Variants in BAHCC1 observed in about 807,000 individuals in gnomAD.
BAHCC1 encodes the protein BAH domain and coiled-coil containing 1.
In BAHCC1, 43 loss-of-function variants were observed where a neutral mutation model predicts 88.2. The observed-to-expected ratio is 0.49, with a 90% CI of 0.38 to 0.63. The LOEUF is 0.63. Ranked by LOEUF, BAHCC1 falls within the 20% of genes least tolerant of loss-of-function variation. The pLI, the probability that BAHCC1 is intolerant of heterozygous loss-of-function variation, is 0.00. For missense variants in BAHCC1, 3,023 were observed against 1,654.8 expected (o/e 1.83, Z -14.34); for synonymous variants, 1,510 against 745.5 (o/e 2.03, Z -16.71).
At chr17:81,400,215 G>C (rs1430121801) in intron 2 of BAHCC1, among the ~76,000 whole-genome samples, 1 of 152,182 alleles carries the variant, frequency 6.6e-6, no homozygotes, top group Non-Finnish European at 1.5e-5. Context: ...CCCTCCTGCA[G>C]ATCTAAATTC....
Position 81,445,474 on chromosome 17 carries a change from G to T in BAHCC1, c.2956G>T (p.Gly986Cys). The T allele has an allele frequency of 1.3e-6, 1 of 754,292 alleles. No homozygotes were observed. Among genetic ancestry groups the T allele is most frequent in the Admixed American group, 1.8e-5 (1 of 56,044 alleles). 46.7% of individuals were successfully genotyped at this position (754,292 alleles called of 1,614,324 possible). The change falls in exon 10 of 28, where the codon GGC (glycine) becomes TGC (cysteine). Residue 986 changes from glycine to cysteine, a missense_variant. By Grantham distance (159) the Gly-to-Cys change is radical. Transcript: ENST00000675386. ...CCCGGGCGCCCCCTCACCCGCTGCA[G>T]GCCCCACCAAGCTGCCACCTTGCTG... The part of the protein sequence containing the change: ...TAPGAPSPAA[G>C]PTKLPPCCHP...
rs1555652845 is a variant in BAHCC1 at position 81,442,483 on chromosome 17, G to A, written c.1134G>A (p.Pro378=). The change falls in exon 5 of 28, where the codon CCG becomes CCA. Residue 378 remains proline (P), a synonymous_variant. Coordinates refer to ENST00000675386, the MANE Select transcript of BAHCC1 (RefSeq NM_001377448.1). The stretch of plus-strand genomic sequence containing the variant: ...ACGGGGGCCCTGACGGGCTCTGCCC[G>A]CTGCAGGACAAAGCCCCCCGGGACC... The part of the protein sequence containing the change: ...QLHGGPDGLC[P]LQDKAPRDLK... 1.5e-5 allele frequency: 11 copies of A among 720,696 alleles called. No homozygotes were observed. The highest frequency in any genetic ancestry group is 2.6e-5 in the Non-Finnish European group (10 of 389,146). 44.6% of individuals were successfully genotyped at this position (720,696 alleles called of 1,614,324 possible). A position where few individuals can be genotyped will look rare whatever the true frequency, so the allele number is the denominator to read the frequency against.
In BAHCC1 at chr17:81,443,803, G is replaced by C. The variant is rs531257544; in HGVS notation, c.2216-6G>C. ...CTCTCCCGTCTGCTGTCTCGACCCT[G>C]TGCAGGTGGCGGTGGGCCCCGTTCC... is the stretch of plus-strand genomic sequence containing the variant. On this transcript the variant is annotated splice_polypyrimidine_tract_variant and splice_region_variant and intron_variant, in intron 5 of 27. Coordinates refer to ENST00000675386, the MANE Select transcript of BAHCC1 (RefSeq NM_001377448.1). The C allele has an allele frequency of 4.2e-6, 3 of 710,058 alleles. No individual in the cohort carries two copies. The East Asian group carries it at 8.0e-5, about 19-fold the overall frequency. 44.0% of individuals were successfully genotyped at this position (710,058 alleles called of 1,614,324 possible). A position where few individuals can be genotyped will look rare whatever the true frequency, so the allele number is the denominator to read the frequency against.
chr17:81,456,438 C>G lies in BAHCC1; in HGVS notation c.4711C>G (p.Pro1571Ala), dbSNP rs1555657298. ...LSSFQQKEAT[P>A]GGRIREKLSR... Reference sequence around the variant, plus strand: ...CTCTTTCCAGCAGAAGGAGGCTACCCCCGGGGGGCGCATCCGGGAGAAGCT... The same window carrying G: ...CTCTTTCCAGCAGAAGGAGGCTACCGCCGGGGGGCGCATCCGGGAGAAGCT... The change falls in exon 16 of 28, where the codon CCC becomes GCC. Residue 1571 changes from proline (P) to alanine (A), a missense_variant. By Grantham distance (27) the Pro-to-Ala change is conservative. Transcript: ENST00000675386. 1 of 722,676 alleles carries G rather than the reference C, an allele frequency of 1.4e-6. No individual in the cohort carries two copies. The allele number at this position is 722,676 out of a possible 1,614,324, so 44.8% of individuals were successfully genotyped here. A position where few individuals can be genotyped will look rare whatever the true frequency, so the allele number is the denominator to read the frequency against.
chr17:81,427,425 G>T (rs2143416618), intron 3 of BAHCC1, among the ~76,000 whole-genome samples: 1 of 152,290 alleles, frequency 6.6e-6, no homozygotes, highest in African/African-American at 2.4e-5. Flanking sequence ...TGCCACCCAG[G>T]GGCCTGTCCC....
intron 25 of BAHCC1, 53 bp downstream of exon 25, chr17:81,460,759 C>G: frequency 1.3e-6 from 1 of 776,038 alleles, no homozygotes; most frequent in Non-Finnish European, 2.4e-6. Context: ...CCTCTGGGGG[C>G]TGGGGGAACC....
rs782314933 is a variant in BAHCC1 at position 81,447,667 on chromosome 17, C to T, written c.3795C>T (p.Ala1265=). ...TACCAGGCCTGGATGCCTTGGTGGC[C>T]GCCACCATCAACCTGGGGGACCTGC... The part of the protein sequence containing the change: ...RALPGLDALV[A]ATINLGDLPS... Residue 1265 remains alanine (A), a synonymous_variant, in exon 11 of 28, where the codon GCC becomes GCT. Transcript: ENST00000675386. The T allele has an allele frequency of 1.9e-5, 14 of 739,292 alleles. No homozygotes were observed. Among genetic ancestry groups the T allele is most frequent in the Admixed American group, 9.5e-5 (5 of 52,798 alleles). The allele number at this position is 739,292 out of a possible 1,614,324, so 45.8% of individuals were successfully genotyped here. A position where few individuals can be genotyped will look rare whatever the true frequency, so the allele number is the denominator to read the frequency against.
chr17:81,458,421 C>G lies in BAHCC1; in HGVS notation c.5298C>G (p.Leu1766=). ...EEGSQLASER[L]KRATRKGTVL... Reference sequence around the variant, plus strand: ...GCAGCCAGCTGGCCAGTGAGCGCCTCAAGAGGGCCACGCGCAAGGGCACAG... The same window carrying G: ...GCAGCCAGCTGGCCAGTGAGCGCCTGAAGAGGGCCACGCGCAAGGGCACAG... Residue 1766 remains leucine, a synonymous_variant, in exon 18 of 28, where the codon CTC becomes CTG. Coordinates refer to ENST00000675386, the MANE Select transcript of BAHCC1 (RefSeq NM_001377448.1). 1.3e-6 allele frequency: 1 copy of G among 742,540 alleles called. No individual in the cohort carries two copies. Among genetic ancestry groups the G allele is most frequent in the African/African-American group, 1.7e-5 (1 of 58,566 alleles). The allele number at this position is 742,540 out of a possible 1,614,324, so 46.0% of individuals were successfully genotyped here.
chr17:81,433,279 T>A (rs544267753), intron 3 of BAHCC1, among the ~76,000 whole-genome samples: 1 of 152,224 alleles, frequency 6.6e-6, no homozygotes, highest in South Asian at 2.1e-4. Flanking sequence ...CCCGGGGGCC[T>A]GCCCACCTGG....
In BAHCC1 at chr17:81,444,833, G is replaced by A. The variant is rs782630211; in HGVS notation, c.2671+7G>A. The A allele has an allele frequency of 1.3e-6, 1 of 772,242 alleles. No homozygotes were observed. Among genetic ancestry groups the A allele is most frequent in the Non-Finnish European group, 2.4e-6 (1 of 415,046 alleles). 47.8% of individuals were successfully genotyped at this position (772,242 alleles called of 1,614,324 possible). A position where few individuals can be genotyped will look rare whatever the true frequency, so the allele number is the denominator to read the frequency against. Reference sequence around the variant, plus strand: ...AGCGCCCCCCACGCACTTGGTAAGGGCCCCTGGTCCAGGCTGCTGTACTTG... The same window carrying A: ...AGCGCCCCCCACGCACTTGGTAAGGACCCCTGGTCCAGGCTGCTGTACTTG... On this transcript the variant is annotated splice_region_variant and intron_variant, in intron 8 of 27. Transcript: ENST00000675386.
At chr17:81,441,459 G>A (rs1049924839) in intron 4 of BAHCC1, among the ~76,000 whole-genome samples, 15 of 152,236 alleles carry the variant, frequency 9.9e-5, no homozygotes, top group Non-Finnish European at 2.1e-4. Flanking sequence ...TCAGGAGATC[G>A]AGACCATCCT....
At chr17:81,455,025 G>A (rs1331154099) in intron 14 of BAHCC1, among the ~76,000 whole-genome samples, 2 of 152,238 alleles carry the variant, frequency 1.3e-5, no homozygotes, top group Admixed American at 6.5e-5. Flanking sequence ...CGGATTTGAG[G>A]ATATAGGGAC....
Position 81,460,610 on chromosome 17 carries a change from A to C in BAHCC1, c.6106A>C (p.Ser2036Arg). The change falls in exon 25 of 28, where the codon AGT (serine) becomes CGT (arginine). Residue 2036 changes from serine to arginine, a missense_variant. Coordinates refer to ENST00000675386, the MANE Select transcript of BAHCC1 (RefSeq NM_001377448.1). ...KKVSSEAPPP[S>R]EAATPSLSPK... ...GGTATCCAGTGAGGCACCCCCGCCT[A>C]GTGAAGCCGCCACCCCCAGCCTGTC... 1 of 770,906 alleles carries C rather than the reference A, an allele frequency of 1.3e-6. No homozygotes were observed. Among genetic ancestry groups the C allele is most frequent in the Non-Finnish European group, 2.4e-6 (1 of 414,084 alleles). 47.8% of individuals were successfully genotyped at this position (770,906 alleles called of 1,614,324 possible).
chr17:81,435,712 C>T lies in BAHCC1; in HGVS notation c.359-2658C>T, dbSNP rs1361670722. Among the ~76,000 whole-genome samples, 1 of 151,972 alleles carries T rather than the reference C, an allele frequency of 6.6e-6. No homozygotes were observed. Among genetic ancestry groups the T allele is most frequent in the Non-Finnish European group, 1.5e-5 (1 of 67,976 alleles). On this transcript the variant is annotated intron_variant, in intron 3 of 27. Coordinates refer to ENST00000675386, the MANE Select transcript of BAHCC1 (RefSeq NM_001377448.1). The surrounding 1 kb of genome is among the most constrained non-coding windows in gnomAD (Gnocchi z 4.4). ...TGCCATCTGGGGCCTCTACTGTCCCCCTGGAGCCCTCCCCAGGACCACCAC... is the reference window on the plus strand; with the variant it reads ...TGCCATCTGGGGCCTCTACTGTCCCTCTGGAGCCCTCCCCAGGACCACCAC...
At chr17:81,446,682 T>C (rs1353279210) in intron 10 of BAHCC1, 12 of 418,438 alleles carry the variant, frequency 2.9e-5, no homozygotes, top group Non-Finnish European at 5.4e-5. Context: ...CTGTGTAGCT[T>C]GGACCACAGG....
chr17:81,403,318 C>T (rs1311709214), intron 2 of BAHCC1, among the ~76,000 whole-genome samples: 2 of 152,176 alleles, frequency 1.3e-5, no homozygotes, highest in African/African-American at 4.8e-5. Flanking sequence ...AGATTCCCCT[C>T]CCGCCCCTTC....
chr17:81,424,658 G>A (rs1189168051), intron 2 of BAHCC1, among the ~76,000 whole-genome samples: 2 of 151,890 alleles, frequency 1.3e-5, no homozygotes, highest in Non-Finnish European at 2.9e-5. Context: ...GGTAATGGTA[G>A]TGGTGATGTG....
At chr17:81,456,180 C>G (rs940954118) in intron 15 of BAHCC1, 117 bp from the exon 16 acceptor site, 1 of 607,360 alleles carries the variant, frequency 1.6e-6, no homozygotes, top group Non-Finnish European at 2.9e-6. Flanking sequence ...GGATCGAGGG[C>G]AGGGGCCTCG....
chr17:81,463,132 A>C (rs149277889), intron 27 of BAHCC1, among the ~76,000 whole-genome samples, 156 bp downstream of exon 27: 2,243 of 152,204 alleles, frequency 0.015, 27 homozygotes, highest in South Asian at 0.024. Flanking sequence ...CGCACAGCCC[A>C]TGGGCATGCC....
Sources: allele counts gnomAD v4.1 joint callset (sites outside exome capture counted in the v4.1 genomes callset), GRCh38; gene constraint gnomAD v4.1.1; non-coding constraint Gnocchi (gnomAD v3.1); transcripts MANE v1.5; gene names NCBI Gene and HGNC (gene_info 2026-07-23, HGNC 2026-07-21).